GFRA1: variants seen among roughly 807,000 people sequenced by gnomAD.
GFRA1 encodes GDNF family receptor alpha 1.
Under a neutral mutation model 51.6 loss-of-function variants are expected in GFRA1, and 16 were observed. The ratio of observed to expected loss-of-function variants is 0.31; its 90% CI spans 0.21 to 0.47. The LOEUF (loss-of-function observed/expected upper bound fraction) is 0.47, where lower values mean the gene tolerates loss of function less well. Among genes scored for constraint, GFRA1 ranks in the 20% least tolerant of loss-of-function variants. The pLI is 1.00. For synonymous variants in GFRA1, 270 were observed against 241.3 expected, an observed-to-expected ratio of 1.12 and a Z score of -1.10; for missense variants, 530 against 594.3, an observed-to-expected ratio of 0.89 and a Z score of 1.13.
chr10:116,155,179 T>G (rs1010888294), intron 5 of GFRA1, among the ~76,000 whole-genome samples: 1 of 152,136 alleles, frequency 6.6e-6, no homozygotes, highest in Non-Finnish European at 1.5e-5. Context: ...AATTCCCATA[T>G]TAAAAATAGG....
intron 5 of GFRA1, among the ~76,000 whole-genome samples, chr10:116,133,767 A>G (rs1466465649): frequency 1.3e-5 from 2 of 152,258 alleles, no homozygotes; most frequent in South Asian, 2.1e-4. Flanking sequence ...ACATGGACCA[A>G]TGATTTCAGC....
At chr10:116,165,021 A>C in intron 5 of GFRA1, among the ~76,000 whole-genome samples, 1 of 152,208 alleles carries the variant, frequency 6.6e-6, no homozygotes, top group Non-Finnish European at 1.5e-5. Flanking sequence ...AGGGACAGAC[A>C]GTTCTTAATA....
chr10:116,114,512 A>C (rs931816574), intron 6 of GFRA1, among the ~76,000 whole-genome samples: 2 of 152,182 alleles, frequency 1.3e-5, no homozygotes, highest in Admixed American at 1.3e-4. Context: ...GTGGGTGCAG[A>C]GAAGTGTAGA....
chr10:116,242,664 T>C (rs1416631219), intron 4 of GFRA1, among the ~76,000 whole-genome samples: 1 of 151,968 alleles, frequency 6.6e-6, no homozygotes, highest in African/African-American at 2.4e-5. Context: ...GTACTTTTAG[T>C]AGAGATGGGG....
rs933687525 is a variant in GFRA1, at chr10:116,199,698, G to A, written c.433+11933C>T. On this transcript the variant is annotated intron_variant, in intron 5 of 10. Coordinates refer to ENST00000355422, the MANE Select transcript of GFRA1 (RefSeq NM_005264.8). Reference sequence around the variant, plus strand: ...TTCAGTGAACACATCATTGACCAGGGTTGGTATTTGTTTCATTTTTTTTCC... The same window carrying A: ...TTCAGTGAACACATCATTGACCAGGATTGGTATTTGTTTCATTTTTTTTCC... 2.6e-5 allele frequency among the ~76,000 whole-genome samples: 4 copies of A among 152,150 alleles called. No homozygotes were observed. In the South Asian group the frequency reaches 8.3e-4, roughly 32 times the overall value.
intron 4 of GFRA1, among the ~76,000 whole-genome samples, chr10:116,228,148 C>A (rs1317844686): frequency 1.3e-5 from 2 of 152,210 alleles, no homozygotes; most frequent in Non-Finnish European, 2.9e-5. Flanking sequence ...CCCTCATTTT[C>A]CACTCTCCTC....
intron 4 of GFRA1, among the ~76,000 whole-genome samples, chr10:116,268,203 A>C (rs939583176): frequency 2.6e-5 from 4 of 152,186 alleles, no homozygotes; most frequent in Admixed American, 1.3e-4. Context: ...AGAATCAAAC[A>C]AATTTGAGTT....
intron 5 of GFRA1, among the ~76,000 whole-genome samples, chr10:116,136,910 A>AT (rs1958349525): frequency 6.6e-6 from 1 of 152,230 alleles, no homozygotes; most frequent in African/African-American, 2.4e-5. Flanking sequence ...ATATGTAAGG[A>AT]TTTTTTCCTG....
At chr10:116,212,425 C>T (rs1965261768) in intron 4 of GFRA1, among the ~76,000 whole-genome samples, 1 of 151,852 alleles carries the variant, frequency 6.6e-6, no homozygotes, top group Admixed American at 6.6e-5. Context: ...GAGGCTGAGG[C>T]AGGAGAATCA....
At chr10:116,256,062 A>G (rs746368279) in intron 4 of GFRA1, among the ~76,000 whole-genome samples, 11 of 152,168 alleles carry the variant, frequency 7.2e-5, no homozygotes, top group Non-Finnish European at 1.3e-4. Context: ...TTTCCTGCAC[A>G]GCTCAGGAGG....
intron 5 of GFRA1, among the ~76,000 whole-genome samples, chr10:116,147,987 G>GT (rs1958883431): frequency 6.8e-6 from 1 of 147,862 alleles, no homozygotes; most frequent in African/African-American, 2.5e-5. Flanking sequence ...TTTTACTGTG[G>GT]TTTTATCTAG....
chr10:116,074,078 G>A (rs1437333569), intron 9 of GFRA1, among the ~76,000 whole-genome samples: 6 of 152,152 alleles, frequency 3.9e-5, no homozygotes, highest in Non-Finnish European at 8.8e-5. Context: ...GTCACAAATA[G>A]CCTTCACCCG....
Position 116,066,509 on chromosome 10 carries a change from A to G in GFRA1, c.1198-883T>C, listed in dbSNP as rs186271760. 9.8e-5 allele frequency among the ~76,000 whole-genome samples: 15 copies of G among 152,336 alleles called. No individual in the cohort carries two copies. The East Asian group carries it at 2.5e-3, about 25-fold the overall frequency. On this transcript the variant is annotated intron_variant, in intron 9 of 10. Transcript: ENST00000355422. ...TCTACTGATAATTTCATTATAGGAA[A>G]GGTCCCATTGCTCAAATAATTACAG...
At chr10:116,229,749 A>AT (rs557820580) in intron 4 of GFRA1, among the ~76,000 whole-genome samples, 178 of 152,300 alleles carry the variant, frequency 1.2e-3, no homozygotes, top group African/African-American at 4.0e-3. Flanking sequence ...TTTTAAGGAA[A>AT]TATGTTACAC....
chr10:116,086,587 G>A (rs868463954), intron 9 of GFRA1, among the ~76,000 whole-genome samples: 9 of 152,122 alleles, frequency 5.9e-5, no homozygotes, highest in South Asian at 2.1e-4. Context: ...GCAAAAAGGG[G>A]CTCATGCAGG....
intron 5 of GFRA1, among the ~76,000 whole-genome samples, chr10:116,163,340 C>A (rs369157408): frequency 3.0e-4 from 46 of 152,180 alleles, no homozygotes; most frequent in Non-Finnish European, 5.7e-4. Flanking sequence ...ACTCGAGAAA[C>A]ACAAGAAGCC....
chr10:116,272,322 A>C lies in GFRA1; in HGVS notation c.-246-47T>G. On this transcript the variant is annotated intron_variant, in intron 1 of 10. Transcript: ENST00000355422. The surrounding 1 kb of genome is among the most constrained non-coding windows in gnomAD (Gnocchi z 4.4). ...GAGATGAGAGCGGAGAGCGCCGGAG[A>C]CTCCCCCCACAGAACCCTCTCCCCT... 8 of 514,666 alleles carry C rather than the reference A, an allele frequency of 1.6e-5. No individual in the cohort carries two copies. The highest frequency in any genetic ancestry group is 2.3e-5 in the South Asian group (1 of 42,580). The allele number at this position is 514,666 out of a possible 1,614,324, so 31.9% of individuals were successfully genotyped here.
intron 4 of GFRA1, among the ~76,000 whole-genome samples, chr10:116,229,175 C>T (rs1184358305): frequency 1.3e-5 from 2 of 151,838 alleles, no homozygotes; most frequent in African/African-American, 2.4e-5. Context: ...TTGGTTAAGC[C>T]ACTACATTTA....
At chr10:116,229,486 A>G (rs987320724) in intron 4 of GFRA1, among the ~76,000 whole-genome samples, 13 of 152,312 alleles carry the variant, frequency 8.5e-5, no homozygotes, top group Admixed American at 8.5e-4. Flanking sequence ...ACCAATACCA[A>G]CAATAGCATC....
Sources: allele counts gnomAD v4.1 joint callset (sites outside exome capture counted in the v4.1 genomes callset), GRCh38; gene constraint gnomAD v4.1.1; non-coding constraint Gnocchi (gnomAD v3.1); transcripts MANE v1.5; gene names NCBI Gene and HGNC (gene_info 2026-07-23, HGNC 2026-07-21).